TENM3: variants seen among roughly 807,000 people sequenced by gnomAD.
TENM3 encodes teneurin-3.
TENM3 carries 63 observed loss-of-function variants against 255.1 expected under a neutral mutation model. The observed-to-expected ratio is 0.25, with a 90% confidence interval of 0.20 to 0.30. The LOEUF (loss-of-function observed/expected upper bound fraction) is 0.30, where lower values mean the gene tolerates loss of function less well. TENM3 is among the 10% of genes least tolerant of loss of function. The pLI, the probability that TENM3 is intolerant of heterozygous loss-of-function variation, is 1.00. For synonymous variants in TENM3, 1,306 were observed against 1,322.3 expected (o/e 0.99, Z 0.27); for missense variants, 2,929 against 3,461.1 (o/e 0.85, Z 3.86).
At chr4:181,595,036 C>T in the TENM3 span, among the ~76,000 whole-genome samples, 6 of 152,104 alleles carry the variant, frequency 3.9e-5, no homozygotes, top group Non-Finnish European at 7.3e-5. Context: ...CCATTATATT[C>T]TCTTTTCTGA....
the TENM3 span, among the ~76,000 whole-genome samples, chr4:181,554,912 CT>C: frequency 6.6e-6 from 1 of 152,184 alleles, no homozygotes; most frequent in Non-Finnish European, 1.5e-5. Context: ...CATCAGTTTA[CT>C]TTGGATCAGT....
chr4:181,875,170 A>G, the TENM3 span, among the ~76,000 whole-genome samples: 3 of 152,106 alleles, frequency 2.0e-5, no homozygotes, highest in Non-Finnish European at 2.9e-5. Context: ...ATACCCACCA[A>G]TCTCTCATAA....
the TENM3 span, among the ~76,000 whole-genome samples, chr4:182,122,155 C>T: frequency 1.3e-5 from 2 of 152,228 alleles, no homozygotes; most frequent in Non-Finnish European, 2.9e-5. Flanking sequence ...TTCTATTTCT[C>T]TTTAATTTCT....
At chr4:181,674,415 G>GAAAA in the TENM3 span, among the ~76,000 whole-genome samples, 2 of 147,056 alleles carry the variant, frequency 1.4e-5, no homozygotes, top group African/African-American at 2.5e-5. Context: ...CATGGTCTAT[G>GAAAA]AAAAAAAAAA....
At chr4:182,275,273 A>G (rs1323336289) in intron 1 of TENM3, among the ~76,000 whole-genome samples, 2 of 152,236 alleles carry the variant, frequency 1.3e-5, no homozygotes, top group East Asian at 1.9e-4. Context: ...AGGAAAGACC[A>G]TAAGAAACAG....
chr4:182,030,052 TTTGTTGTTG>T, the TENM3 span, among the ~76,000 whole-genome samples: 1 of 134,756 alleles, frequency 7.4e-6, no homozygotes, highest in Non-Finnish European at 1.5e-5. Context: ...TCAATGCATC[TTTGTTGTTG>T]TTGTTGTTGT....
chr4:182,556,229 A>G (rs978537166), intron 3 of TENM3, among the ~76,000 whole-genome samples: 6 of 152,234 alleles, frequency 3.9e-5, no homozygotes, highest in African/African-American at 1.4e-4. Flanking sequence ...AAAAACTCCA[A>G]TAACATTTAC....
At chr4:182,720,752 T>C (rs965074917) in intron 13 of TENM3, among the ~76,000 whole-genome samples, 7 of 147,666 alleles carry the variant, frequency 4.7e-5, no homozygotes, top group Non-Finnish European at 7.5e-5. Flanking sequence ...GGGTTGGTAC[T>C]AAAAGTCTCC....
the TENM3 span, among the ~76,000 whole-genome samples, chr4:181,456,494 T>G: frequency 1.3e-5 from 2 of 151,924 alleles, no homozygotes; most frequent in Admixed American, 1.3e-4. Flanking sequence ...CACTTTATTT[T>G]GATAGCTTTT....
the TENM3 span, among the ~76,000 whole-genome samples, chr4:181,908,552 A>G: frequency 1.3e-5 from 2 of 152,240 alleles, no homozygotes; most frequent in African/African-American, 4.8e-5. Flanking sequence ...GCACTCTAAT[A>G]TAAGGAATAA....
the TENM3 span, among the ~76,000 whole-genome samples, chr4:182,108,528 G>A: frequency 1.3e-5 from 2 of 151,778 alleles, no homozygotes; most frequent in Admixed American, 1.3e-4. Flanking sequence ...AATGCGTTAA[G>A]CATCTACACT....
Position 182,392,474 on chromosome 4 carries a change from A to G in TENM3, c.511+45545A>G, listed in dbSNP as rs185676829. ...TAACTTGAAATATGTGTTTGGCTAC[A>G]TGGTACGTCCAGCCACCAATCCATA... On this transcript the variant is annotated intron_variant, in intron 3 of 27. Coordinates refer to ENST00000511685, the MANE Select transcript of TENM3 (RefSeq NM_001080477.4). 3.3e-3 allele frequency among the ~76,000 whole-genome samples: 505 copies of G among 152,372 alleles called. 4 individuals are homozygous for G. The highest frequency in any genetic ancestry group is 6.8e-3 in the Middle Eastern group (2 of 294).
chr4:181,526,998 G>T, the TENM3 span, among the ~76,000 whole-genome samples: 1 of 152,078 alleles, frequency 6.6e-6, no homozygotes, highest in Non-Finnish European at 1.5e-5. Flanking sequence ...TCCCAACTTG[G>T]TCCTCCTTGC....
At chr4:182,586,384 C>T (rs907560568) in intron 3 of TENM3, among the ~76,000 whole-genome samples, 3 of 152,116 alleles carry the variant, frequency 2.0e-5, no homozygotes, top group African/African-American at 7.2e-5. Flanking sequence ...CGATGTTGGC[C>T]CTCATGTCTC....
chr4:182,325,067 A>G (rs1763302539), intron 2 of TENM3, among the ~76,000 whole-genome samples: 1 of 152,218 alleles, frequency 6.6e-6, no homozygotes, highest in Non-Finnish European at 1.5e-5. Flanking sequence ...GATTACTAAT[A>G]AAAATAAAAT....
rs555641649 is a variant in TENM3, at chr4:182,627,819, A to C, written c.750-832A>C. ...TTTACAGTGCTCTTGTCATGTGACC[A>C]CACAATTTCTGCTTAAACATTGTCA... On this transcript the variant is annotated intron_variant, in intron 4 of 27. Coordinates refer to ENST00000511685, the MANE Select transcript of TENM3 (RefSeq NM_001080477.4). Among the ~76,000 whole-genome samples, 17 of 152,248 alleles carry C rather than the reference A, an allele frequency of 1.1e-4. No homozygotes were observed. The South Asian group carries it at 3.3e-3, about 30-fold the overall frequency.
chr4:181,524,483 G>C, the TENM3 span, among the ~76,000 whole-genome samples: 1 of 152,192 alleles, frequency 6.6e-6, no homozygotes, highest in African/African-American at 2.4e-5. Context: ...TATGAGTAAA[G>C]AGGCTATTTG....
At chr4:182,611,403 A>T (rs1748990536) in intron 4 of TENM3, among the ~76,000 whole-genome samples, 1 of 151,404 alleles carries the variant, frequency 6.6e-6, no homozygotes, top group Admixed American at 6.6e-5. Flanking sequence ...ATATATATTT[A>T]TAATAGTTAA....
the TENM3 span, among the ~76,000 whole-genome samples, chr4:181,703,990 C>T: frequency 6.6e-6 from 1 of 152,116 alleles, no homozygotes; most frequent in African/African-American, 2.4e-5. Flanking sequence ...AACGGAATGA[C>T]ACATAGACAG....
Sources: allele counts gnomAD v4.1 joint callset (sites outside exome capture counted in the v4.1 genomes callset), GRCh38; gene constraint gnomAD v4.1.1; transcripts MANE v1.5; gene names NCBI Gene and HGNC (gene_info 2026-07-23, HGNC 2026-07-21).